The following CELF2 variants were observed in gnomAD, a reference collection of about 807,000 sequenced individuals.
The protein encoded by CELF2 is CUG triplet repeat RNA-binding protein 2.
CELF2 carries 8 observed loss-of-function variants against 62.6 expected under a neutral mutation model. The observed-to-expected ratio is 0.13, with a 90% CI of 0.07 to 0.23. The LOEUF is 0.23. CELF2 is among the 10% of genes least tolerant of loss of function. The pLI, the probability that CELF2 is intolerant of heterozygous loss-of-function variation, is 1.00. For missense variants in CELF2, 333 were observed against 671.0 expected (o/e 0.50, Z 5.56); for synonymous variants, 258 against 250.0 (o/e 1.03, Z -0.30).
At chr10:11,072,977 A>AT (rs1346209468) in intron 1 of CELF2, among the ~76,000 whole-genome samples, 1 of 151,900 alleles carries the variant, frequency 6.6e-6, no homozygotes, top group African/African-American at 2.4e-5. Context: ...ATCCTATTAC[A>AT]TTATATATTA....
At chr10:10,478,906 A>G in the CELF2 span, among the ~76,000 whole-genome samples, 2 of 152,208 alleles carry the variant, frequency 1.3e-5, no homozygotes, top group Non-Finnish European at 2.9e-5. Flanking sequence ...AGTAGGTTAA[A>G]TTAATTGGTT....
intron 1 of CELF2, among the ~76,000 whole-genome samples, chr10:11,029,070 C>T (rs1175699002): frequency 6.6e-6 from 1 of 152,106 alleles, no homozygotes; most frequent in Non-Finnish European, 1.5e-5. Flanking sequence ...GACCTGGCAG[C>T]CTTGGGTGGC....
chr10:10,559,493 G>C, the CELF2 span, among the ~76,000 whole-genome samples: 3 of 152,152 alleles, frequency 2.0e-5, no homozygotes, highest in Admixed American at 6.6e-5. Flanking sequence ...CACCACCAAA[G>C]GTTTTGTTTT....
the CELF2 span, among the ~76,000 whole-genome samples, chr10:10,656,338 A>G: frequency 6.9e-6 from 1 of 145,860 alleles, no homozygotes; most frequent in Admixed American, 6.9e-5. Flanking sequence ...CTAGAACTAG[A>G]AATACCATTT....
chr10:11,294,314 C>T (rs147808164), intron 9 of CELF2, among the ~76,000 whole-genome samples: 36 of 152,246 alleles, frequency 2.4e-4, no homozygotes, highest in African/African-American at 6.5e-4. Context: ...CGTAGTCTTC[C>T]GGTGCCTGCC....
At chr10:11,000,238 T>G (rs1313291870) in intron 2 of CELF2, among the ~76,000 whole-genome samples, 1 of 152,180 alleles carries the variant, frequency 6.6e-6, no homozygotes, top group East Asian at 1.9e-4. Flanking sequence ...CCTTTCTTCT[T>G]CTTGTCTTCA....
chr10:11,092,620 C>T (rs1488928976), intron 1 of CELF2, among the ~76,000 whole-genome samples: 1 of 152,194 alleles, frequency 6.6e-6, no homozygotes, highest in Non-Finnish European at 1.5e-5. Context: ...ACTAAGGAGA[C>T]TTAACAAGGC....
the CELF2 span, among the ~76,000 whole-genome samples, chr10:10,713,393 C>G: frequency 6.6e-6 from 1 of 152,182 alleles, no homozygotes; most frequent in Non-Finnish European, 1.5e-5. Context: ...ACACAGAGAA[C>G]TTCAGTAAAC....
chr10:10,712,755 A>G, the CELF2 span, among the ~76,000 whole-genome samples: 6 of 152,320 alleles, frequency 3.9e-5, no homozygotes, highest in South Asian at 2.1e-4. Flanking sequence ...CTCTCAGGCT[A>G]TGAGTCATCC....
intron 2 of CELF2, among the ~76,000 whole-genome samples, chr10:11,196,571 G>T (rs1204303868): frequency 6.6e-6 from 1 of 152,098 alleles, no homozygotes; most frequent in Non-Finnish European, 1.5e-5. Flanking sequence ...GGAGGCTGAG[G>T]AGGGAGGACA....
intron 2 of CELF2, among the ~76,000 whole-genome samples, chr10:10,986,116 G>GT (rs1418610989): frequency 6.6e-6 from 1 of 151,942 alleles, no homozygotes. Flanking sequence ...TTAATTTCCA[G>GT]TTTTGTCCAC....
chr10:10,892,440 A>T (rs528597690), intron 1 of CELF2, among the ~76,000 whole-genome samples: 2 of 152,242 alleles, frequency 1.3e-5, no homozygotes, highest in South Asian at 4.2e-4. Context: ...GACTCTTCAG[A>T]TCCCCTCCAT....
chr10:11,302,951 A>G lies in CELF2; in HGVS notation c.977-11188A>G, dbSNP rs553602175. Reference sequence around the variant, plus strand: ...TTGGCACAACAATAAGAGCTTTTCAATAGTTGGCTTTTTGGACCTTGTGGC... The same window carrying G: ...TTGGCACAACAATAAGAGCTTTTCAGTAGTTGGCTTTTTGGACCTTGTGGC... On this transcript the variant is annotated intron_variant, in intron 9 of 12. Transcript: ENST00000633077. The surrounding 1 kb of genome is among the most constrained non-coding windows in gnomAD (Gnocchi z 5.0). Among the ~76,000 whole-genome samples, 17 of 152,248 alleles carry G rather than the reference A, an allele frequency of 1.1e-4. No homozygotes were observed. Among genetic ancestry groups the G allele is most frequent in the South Asian group, 6.2e-4 (3 of 4,814 alleles).
At position 10,836,497 on chromosome 10, in the gene CELF2, C is replaced by T. The variant is rs536675487; in HGVS notation, c.53+37680C>T. Reference sequence around the variant, plus strand: ...CAACGCATTGGTGGCCAGGCAGAAGCCTTTCTAGATTGGACTGAAAGAGAG... The same window carrying T: ...CAACGCATTGGTGGCCAGGCAGAAGTCTTTCTAGATTGGACTGAAAGAGAG... On this transcript the variant is annotated intron_variant, in intron 1 of 13. Transcript: ENST00000636488. Among the ~76,000 whole-genome samples, 97 of 152,270 alleles carry T rather than the reference C, an allele frequency of 6.4e-4. 1 individual carries two copies. The highest frequency in any genetic ancestry group is 2.2e-3 in the African/African-American group (93 of 41,558).
the CELF2 span, among the ~76,000 whole-genome samples, chr10:10,566,219 C>G: frequency 1.3e-5 from 2 of 151,872 alleles, no homozygotes; most frequent in Non-Finnish European, 2.9e-5. Context: ...AAAATGTGAA[C>G]CATAATCTCT....
chr10:10,756,503 A>G, the CELF2 span, among the ~76,000 whole-genome samples: 1 of 152,202 alleles, frequency 6.6e-6, no homozygotes, highest in Non-Finnish European at 1.5e-5. Flanking sequence ...AATTTATAAA[A>G]TCTATGCCAT....
the CELF2 span, among the ~76,000 whole-genome samples, chr10:10,666,926 G>A: frequency 2.0e-5 from 3 of 150,978 alleles, no homozygotes; most frequent in Admixed American, 6.6e-5. Flanking sequence ...CCTATTTTCA[G>A]TGGTTGGCTT....
At chr10:10,978,387 C>T (rs541417417) in intron 2 of CELF2, among the ~76,000 whole-genome samples, 1 of 152,214 alleles carries the variant, frequency 6.6e-6, no homozygotes, top group Non-Finnish European at 1.5e-5. Flanking sequence ...GTGTTAAAAA[C>T]CAGGGCTAGC....
intron 1 of CELF2, among the ~76,000 whole-genome samples, chr10:10,896,209 C>T (rs1409513546): frequency 6.6e-6 from 1 of 152,154 alleles, no homozygotes; most frequent in Non-Finnish European, 1.5e-5. Context: ...CCATTCCCAT[C>T]AGCCAGACAG....
Sources: gnomAD v4.1 joint callset for allele counts (sites outside exome capture counted in the v4.1 genomes callset) on GRCh38, gnomAD v4.1.1 for gene constraint, Gnocchi (gnomAD v3.1) non-coding constraint, MANE v1.5 for transcripts, NCBI Gene and HGNC (gene_info 2026-07-23, HGNC 2026-07-21) for gene names.